The following ACTN1 variants were observed in gnomAD, a reference collection of about 807,000 sequenced individuals.
ACTN1 encodes alpha-actinin-1.
A neutral mutation model predicts 119.6 loss-of-function variants in ACTN1; 30 were observed. The ratio of observed to expected loss-of-function variants is 0.25; its 90% CI spans 0.19 to 0.34. ACTN1 has a LOEUF of 0.34. Ranked by LOEUF, ACTN1 falls within the 10% of genes least tolerant of loss-of-function variation. The probability of loss-of-function intolerance (pLI) is 1.00; values close to 1 mark genes in which losing one functional copy is unlikely to be tolerated. For missense variants in ACTN1, 764 were observed against 1,223.4 expected, an observed-to-expected ratio of 0.62 and a Z score of 5.60; for synonymous variants, 429 against 472.6, an observed-to-expected ratio of 0.91 and a Z score of 1.20.
chr14:68,882,828 C>G lies in ACTN1; in HGVS notation c.1818+45G>C. The G allele has an allele frequency of 6.3e-7, 1 of 1,591,498 alleles. No homozygotes were observed. Among genetic ancestry groups the G allele is most frequent in the Non-Finnish European group, 8.6e-7 (1 of 1,164,000 alleles). On this transcript the variant is annotated intron_variant, in intron 15 of 21. Coordinates refer to ENST00000394419, the MANE Select transcript of ACTN1 (RefSeq NM_001130004.2). This position sits in a 1 kb window ranked among gnomAD's most constrained non-coding sequence, Gnocchi z 4.5. ...CAATTAAAATGGACAAAAATCCCTGCCTTTATGAAACTTACAATGGCTCGG... is the reference window on the plus strand; with the variant it reads ...CAATTAAAATGGACAAAAATCCCTGGCTTTATGAAACTTACAATGGCTCGG...
intron 1 of ACTN1, among the ~76,000 whole-genome samples, chr14:68,973,283 G>C (rs1027915631): frequency 1.3e-5 from 2 of 152,200 alleles, no homozygotes; most frequent in Non-Finnish European, 2.9e-5. Flanking sequence ...ACGTCATCTT[G>C]AATTGTAGTT....
chr14:68,951,438 T>C (rs1195570160), intron 1 of ACTN1, among the ~76,000 whole-genome samples: 4 of 152,152 alleles, frequency 2.6e-5, no homozygotes, highest in Non-Finnish European at 4.4e-5. Context: ...GGAGGCACAA[T>C]GGACAAGACA....
intron 11 of ACTN1, among the ~76,000 whole-genome samples, chr14:68,889,506 A>C (rs1196960697): frequency 6.6e-6 from 1 of 152,234 alleles, no homozygotes; most frequent in African/African-American, 2.4e-5. Flanking sequence ...TTAAGATGAC[A>C]TTATACGGCT....
At chr14:68,974,903 G>A (rs1318954281) in intron 1 of ACTN1, among the ~76,000 whole-genome samples, 2 of 152,210 alleles carry the variant, frequency 1.3e-5, no homozygotes, top group African/African-American at 4.8e-5. Context: ...TCAGGCTCCA[G>A]CTGCCCCACC....
At chr14:68,875,141 C>G in intron 21 of ACTN1, 124 bp from the exon 22 acceptor site, 1 of 1,542,284 alleles carries the variant, frequency 6.5e-7, no homozygotes, top group Non-Finnish European at 8.7e-7. Flanking sequence ...TGCCTCCCTC[C>G]TGTAACTACA....
Position 68,874,880 on chromosome 14 carries a change from C to A in ACTN1, c.2724G>T (p.Leu908=). The change falls in exon 22 of 22, where the codon CTG becomes CTT. Residue 908 remains leucine (L), a synonymous_variant. Coordinates refer to ENST00000394419, the MANE Select transcript of ACTN1 (RefSeq NM_001130004.2). ...TGGATTAGAGGTCACTCTCGCCGTA[C>A]AGCGCCGTGGAGAAGGACATGTAGT... ...ALDYMSFSTA[L]YGESDL The A allele has an allele frequency of 6.3e-7, 1 of 1,598,364 alleles. No homozygotes were observed. Among genetic ancestry groups the A allele is most frequent in the Non-Finnish European group, 8.6e-7 (1 of 1,168,070 alleles).
intron 6 of ACTN1, among the ~76,000 whole-genome samples, chr14:68,907,691 G>A (rs2033751769): frequency 6.6e-6 from 1 of 152,202 alleles, no homozygotes; most frequent in Non-Finnish European, 1.5e-5. Flanking sequence ...TGCTAACTGG[G>A]TATCAGAAAG....
intron 3 of ACTN1, among the ~76,000 whole-genome samples, chr14:68,916,613 G>C (rs539102653): frequency 6.6e-6 from 1 of 152,030 alleles, no homozygotes; most frequent in Non-Finnish European, 1.5e-5. Flanking sequence ...CCTGTATACC[G>C]GGCCTCCGGC....
chr14:68,879,808 T>C lies in ACTN1; in HGVS notation c.2280+154A>G. On this transcript the variant is annotated intron_variant, in intron 18 of 21. Coordinates refer to ENST00000394419, the MANE Select transcript of ACTN1 (RefSeq NM_001130004.2). The surrounding 1 kb of genome is among the most constrained non-coding windows in gnomAD (Gnocchi z 4.9). ...AACACAGGTTTTCCAAGGCTGGTTT[T>C]GCAGGGTGCATTGAGTCAGGGCAGG... 9.3e-7 allele frequency: 1 copy of C among 1,079,396 alleles called. No homozygotes were observed. Among genetic ancestry groups the C allele is most frequent in the Non-Finnish European group, 1.3e-6 (1 of 766,882 alleles). The allele number at this position is 1,079,396 out of a possible 1,614,324, so 66.9% of individuals were successfully genotyped here.
At position 68,877,143 on chromosome 14, in the gene ACTN1, G is replaced by A; in HGVS notation, c.2525C>T (p.Thr842Ile). ...TTGGTCTGCTGTATCTGTGTCGGCT[G>A]TCTCGCGGGACATGAAGTCAATGAA... ...QAFIDFMSRE[T>I]ADTDTADQVM... The change falls in exon 21 of 22, where the codon ACA becomes ATA. Residue 842 changes from threonine to isoleucine, a missense_variant. By Grantham distance (89) the Thr-to-Ile change is moderately conservative. Around this residue, in one of 4 missense-constraint regions of ACTN1, gnomAD observed 544 missense variants for 912.0 expected, o/e 0.60. Transcript: ENST00000394419. 6.2e-7 allele frequency: 1 copy of A among 1,614,144 alleles called. No homozygotes were observed. Among genetic ancestry groups the A allele is most frequent in the East Asian group, 2.2e-5 (1 of 44,890 alleles).
At chr14:68,948,929 A>G (rs2036036919) in intron 1 of ACTN1, among the ~76,000 whole-genome samples, 2 of 152,296 alleles carry the variant, frequency 1.3e-5, no homozygotes, top group Admixed American at 1.3e-4. Flanking sequence ...AGCAGCTCAT[A>G]ATGAAGCTCG....
At chr14:68,971,730 G>A (rs1247625159) in intron 1 of ACTN1, among the ~76,000 whole-genome samples, 2 of 152,188 alleles carry the variant, frequency 1.3e-5, no homozygotes, top group Non-Finnish European at 2.9e-5. Flanking sequence ...ACCTGTGGGT[G>A]GCAGGCCTAG....
intron 11 of ACTN1, 101 bp downstream of exon 11, chr14:68,890,038 G>T (rs1594768117): frequency 2.0e-6 from 3 of 1,496,438 alleles, no homozygotes; most frequent in East Asian, 4.9e-5. Context: ...GAGACCAAAT[G>T]AAACAAATGA....
At chr14:68,944,330 C>A (rs921789503) in intron 1 of ACTN1, among the ~76,000 whole-genome samples, 6 of 152,186 alleles carry the variant, frequency 3.9e-5, no homozygotes, top group African/African-American at 1.4e-4. Context: ...TGGACTGGCC[C>A]GATGTTGGCA....
At position 68,915,338 on chromosome 14, in the gene ACTN1, C is replaced by T. The variant is rs560690092; in HGVS notation, c.341-3096G>A. ...GCAGCTCCCCTTCCCTAGATACCCA[C>T]GTGGCCTGTCCCTGCCTCCTGCCAG... On this transcript the variant is annotated intron_variant, in intron 3 of 21. Coordinates refer to ENST00000394419, the MANE Select transcript of ACTN1 (RefSeq NM_001130004.2). 4.6e-5 allele frequency among the ~76,000 whole-genome samples: 7 copies of T among 152,024 alleles called. No homozygotes were observed. The East Asian group carries it at 7.7e-4, about 17-fold the overall frequency.
intron 6 of ACTN1, among the ~76,000 whole-genome samples, chr14:68,905,644 G>C (rs1306683967): frequency 6.6e-6 from 1 of 152,202 alleles, no homozygotes; most frequent in African/African-American, 2.4e-5. Flanking sequence ...TCTGACACAT[G>C]CTGCAACATG....
intron 1 of ACTN1, among the ~76,000 whole-genome samples, chr14:68,933,263 A>G (rs1285966206): frequency 6.6e-6 from 1 of 151,992 alleles, no homozygotes; most frequent in Non-Finnish European, 1.5e-5. Context: ...CCTCCTGAGT[A>G]TCTGGGATTA....
At chr14:68,883,551 C>T (rs944102036) in intron 14 of ACTN1, 4 of 153,458 alleles carry the variant, frequency 2.6e-5, no homozygotes, top group African/African-American at 9.6e-5. Context: ...ATGGGAGGAT[C>T]TCTTGAAGCC....
intron 1 of ACTN1, among the ~76,000 whole-genome samples, chr14:68,935,396 T>A (rs2035447821): frequency 1.4e-5 from 2 of 139,890 alleles, no homozygotes; most frequent in African/African-American, 5.4e-5. Context: ...CATTTTTTTT[T>A]TTTTTTTTTT....
Sources: allele counts gnomAD v4.1 joint callset (sites outside exome capture counted in the v4.1 genomes callset), GRCh38; gene constraint gnomAD v4.1.1; regional missense constraint gnomAD v4.1.1; non-coding constraint Gnocchi (gnomAD v3.1); transcripts MANE v1.5; gene names NCBI Gene and HGNC (gene_info 2026-07-23, HGNC 2026-07-21).